Variants in BLTP3A observed in about 807,000 individuals in gnomAD.
BLTP3A encodes bridge-like lipid transfer protein family member 3A.
chr6:34,867,922 G>A, the BLTP3A span, among the ~76,000 whole-genome samples: 3 of 152,052 alleles, frequency 2.0e-5, no homozygotes, highest in African/African-American at 7.2e-5. Flanking sequence ...ATCTGATCAG[G>A]GAACTTCTGT....
the BLTP3A span, chr6:34,857,246 A>G: frequency 6.6e-7 from 1 of 1,505,734 alleles, no homozygotes; most frequent in East Asian, 2.3e-5. Context: ...GAGGGATGGT[A>G]GAGGCTTTAT....
chr6:34,805,367 C>T, the BLTP3A span, among the ~76,000 whole-genome samples: 2 of 151,592 alleles, frequency 1.3e-5, no homozygotes, highest in African/African-American at 4.8e-5. Context: ...CTGAGGCAAG[C>T]AGATCACTTG....
the BLTP3A span, chr6:34,836,279 T>C: frequency 3.1e-6 from 5 of 1,613,798 alleles, no homozygotes; most frequent in South Asian, 4.4e-5. Context: ...TGTGAAAGAG[T>C]CCTCCTACCA....
the BLTP3A span, among the ~76,000 whole-genome samples, chr6:34,848,027 C>G: frequency 6.7e-6 from 1 of 148,846 alleles, no homozygotes; most frequent in African/African-American, 2.5e-5. Flanking sequence ...TCAGATGATC[C>G]TCCAACCTCA....
chr6:34,803,780 G>A, the BLTP3A span, among the ~76,000 whole-genome samples: 45 of 151,982 alleles, frequency 3.0e-4, 2 homozygotes, highest in East Asian at 8.3e-3. Context: ...AAGTTGAAGA[G>A]TTCTAATATG....
At chr6:34,853,988 C>A in the BLTP3A span, among the ~76,000 whole-genome samples, 6 of 152,138 alleles carry the variant, frequency 3.9e-5, no homozygotes, top group African/African-American at 1.4e-4. Context: ...CTTTGGGGGG[C>A]CGAGGTGGGT....
At chr6:34,826,026 ATTTT>A in the BLTP3A span, among the ~76,000 whole-genome samples, 1 of 76,648 alleles carries the variant, frequency 1.3e-5, no homozygotes. Context: ...TACATTTTGC[ATTTT>A]TTTTTTTTTT....
chr6:34,823,689 C>A, the BLTP3A span, among the ~76,000 whole-genome samples: 1 of 149,656 alleles, frequency 6.7e-6, no homozygotes, highest in Non-Finnish European at 1.5e-5. Context: ...ACCACAGGCG[C>A]ACATCACCAT....
the BLTP3A span, chr6:34,823,431 A>T: frequency 8.4e-7 from 1 of 1,186,416 alleles, no homozygotes; most frequent in Non-Finnish European, 1.2e-6. Context: ...ACTTTTTATT[A>T]TGGACATTTT....
the BLTP3A span, chr6:34,877,491 C>T: frequency 6.6e-6 from 1 of 152,422 alleles, no homozygotes; most frequent in Non-Finnish European, 1.5e-5. Context: ...CCTGAAAAAA[C>T]AAATTAAATG....
At chr6:34,808,179 A>G in the BLTP3A span, among the ~76,000 whole-genome samples, 1 of 151,732 alleles carries the variant, frequency 6.6e-6, no homozygotes, top group Admixed American at 6.6e-5. Flanking sequence ...CTTCATCTCT[A>G]CTGAAAATAC....
the BLTP3A span, among the ~76,000 whole-genome samples, chr6:34,809,912 G>A: frequency 1.2e-4 from 19 of 152,234 alleles, no homozygotes; most frequent in African/African-American, 4.3e-4. Context: ...ATAACAAACA[G>A]TTGATTGACA....
chr6:34,869,782 G>T, the BLTP3A span, among the ~76,000 whole-genome samples: 1 of 150,556 alleles, frequency 6.6e-6, no homozygotes, highest in African/African-American at 2.5e-5. Flanking sequence ...CTCCTCAGTA[G>T]CCAGGACTAC....
chr6:34,853,301 T>A, the BLTP3A span, among the ~76,000 whole-genome samples: 8 of 152,032 alleles, frequency 5.3e-5, no homozygotes, highest in Admixed American at 5.2e-4. Flanking sequence ...CTCAGCCTCC[T>A]GACTGAGGCT....
the BLTP3A span, chr6:34,836,313 T>C: frequency 1.2e-6 from 2 of 1,614,146 alleles, no homozygotes; most frequent in Non-Finnish European, 1.7e-6. Context: ...CGCCTGGACC[T>C]GCACATTTGT....
the BLTP3A span, among the ~76,000 whole-genome samples, chr6:34,818,384 G>T: frequency 6.6e-6 from 1 of 152,032 alleles, no homozygotes; most frequent in Non-Finnish European, 1.5e-5. Context: ...TGGGAGAATA[G>T]CTTGAGGCCA....
chr6:34,863,972 T>G, the BLTP3A span: 2 of 1,554,124 alleles, frequency 1.3e-6, no homozygotes, highest in Non-Finnish European at 1.7e-6. Flanking sequence ...CAAAGCCACA[T>G]TTGTGGTTTT....
At chr6:34,868,906 A>G in the BLTP3A span, among the ~76,000 whole-genome samples, 1 of 152,082 alleles carries the variant, frequency 6.6e-6, no homozygotes. Flanking sequence ...AAACATTAAA[A>G]TATTGAGTAG....
chr6:34,862,479 TCAGGTTTGTAA>T, the BLTP3A span, among the ~76,000 whole-genome samples: 1 of 152,170 alleles, frequency 6.6e-6, no homozygotes, highest in Non-Finnish European at 1.5e-5. Flanking sequence ...TGCCAAACTT[TCAGGTTTGTAA>T]CAGTCTGTGC....
Sources: allele counts gnomAD v4.1 joint callset (sites outside exome capture counted in the v4.1 genomes callset), GRCh38; gene constraint gnomAD v4.1.1; transcripts MANE v1.5; gene names NCBI Gene and HGNC (gene_info 2026-07-23, HGNC 2026-07-21).